SLC33A2: variants seen among roughly 807,000 people sequenced by gnomAD.
SLC33A2 encodes solute carrier family 33 member 2, also known as major facilitator superfamily domain containing 3.
chr8:144,509,570 GGT>G, the SLC33A2 span: 1 of 1,525,988 alleles, frequency 6.6e-7, no homozygotes, highest in Non-Finnish European at 8.7e-7. Context: ...GCCTGGGCCT[GGT>G]GTGTGGGCTG....
chr8:144,509,954 G>T, the SLC33A2 span: 1 of 1,594,994 alleles, frequency 6.3e-7, no homozygotes, highest in Non-Finnish European at 8.5e-7. Context: ...ACCTTCTGCG[G>T]GACGTGCTAG....
the SLC33A2 span, chr8:144,510,000 C>T: frequency 3.1e-6 from 5 of 1,595,608 alleles, no homozygotes; most frequent in Non-Finnish European, 4.2e-6. Flanking sequence ...AGGCTTTGTG[C>T]TCACCTACAA....
the SLC33A2 span, chr8:144,509,810 C>G: frequency 3.2e-6 from 5 of 1,541,924 alleles, no homozygotes; most frequent in Non-Finnish European, 4.4e-6. Flanking sequence ...CGCTGCTGCC[C>G]ACCTTCTCGT....
the SLC33A2 span, chr8:144,509,848 C>T: frequency 6.5e-7 from 1 of 1,538,144 alleles, no homozygotes; most frequent in South Asian, 1.2e-5. Context: ...CTCCTGGCTG[C>T]CACCTACTGG....
the SLC33A2 span, chr8:144,510,421 C>T: frequency 2.7e-5 from 43 of 1,612,768 alleles, no homozygotes; most frequent in South Asian, 1.4e-4. Flanking sequence ...TTTCTGCTCC[C>T]GAGTTGGGAC....
chr8:144,510,340 T>C, the SLC33A2 span: 3 of 1,610,436 alleles, frequency 1.9e-6, no homozygotes, highest in South Asian at 1.1e-5. Flanking sequence ...CCCGTGCTCA[T>C]GCCCCCCCCA....
chr8:144,509,116 C>T, the SLC33A2 span: 13 of 473,364 alleles, frequency 2.7e-5, no homozygotes, highest in Admixed American at 4.3e-4. Context: ...GGACCGCTCG[C>T]CCCCGTTTGG....
At chr8:144,509,895 C>T in the SLC33A2 span, 2,156 of 1,549,406 alleles carry the variant, frequency 1.4e-3, 25 homozygotes, top group African/African-American at 0.025. Flanking sequence ...ACCAGCCCTG[C>T]GGCGGCTCCC....
the SLC33A2 span, chr8:144,510,071 G>A: frequency 7.1e-6 from 11 of 1,544,716 alleles, no homozygotes; most frequent in Non-Finnish European, 8.7e-6. Flanking sequence ...ACAGCTCCAG[G>A]TGTGTCCCCA....
the SLC33A2 span, chr8:144,511,204 G>A: frequency 2.5e-6 from 4 of 1,592,442 alleles, no homozygotes; most frequent in Non-Finnish European, 2.6e-6. Flanking sequence ...ACATGTGCCT[G>A]TGGCCCAGAT....
chr8:144,509,299 C>G, the SLC33A2 span: 1 of 1,427,358 alleles, frequency 7.0e-7, no homozygotes, highest in East Asian at 2.7e-5. Flanking sequence ...CACCTGGAAC[C>G]CGACCTCCCA....
chr8:144,510,360 G>A, the SLC33A2 span: 5 of 1,612,018 alleles, frequency 3.1e-6, no homozygotes, highest in South Asian at 1.1e-5. Context: ...ACCACCCAAG[G>A]TGAGCAGGGT....
the SLC33A2 span, chr8:144,510,978 C>T: frequency 1.3e-6 from 2 of 1,599,686 alleles, no homozygotes; most frequent in Non-Finnish European, 1.7e-6. Context: ...ACCGTGACCC[C>T]CACCCCCCTC....
chr8:144,510,477 C>T, the SLC33A2 span: 1 of 1,612,796 alleles, frequency 6.2e-7, no homozygotes. Flanking sequence ...GCTGGCTCCT[C>T]CCTGGGTGGG....
chr8:144,509,273 T>C, the SLC33A2 span: 1 of 1,410,440 alleles, frequency 7.1e-7, no homozygotes, highest in Non-Finnish European at 9.2e-7. Context: ...GGAGGGGACC[T>C]CGCCTTGCGG....
the SLC33A2 span, chr8:144,509,489 C>T: frequency 1.6e-5 from 24 of 1,535,756 alleles, no homozygotes; most frequent in Non-Finnish European, 2.0e-5. Flanking sequence ...CGTGGCTGCT[C>T]AAGCTGGCTT....
At chr8:144,509,670 G>A in the SLC33A2 span, 10 of 1,554,874 alleles carry the variant, frequency 6.4e-6, no homozygotes, top group South Asian at 2.3e-5. Context: ...CCTGGGTGCC[G>A]CCATGCAGGA....
chr8:144,509,582 G>C, the SLC33A2 span: 1 of 1,530,430 alleles, frequency 6.5e-7, no homozygotes, highest in Non-Finnish European at 8.7e-7. Context: ...TGTGTGGGCT[G>C]CTTGCCGGGC....
chr8:144,509,368 A>G, the SLC33A2 span: 2 of 1,499,888 alleles, frequency 1.3e-6, no homozygotes, highest in Non-Finnish European at 1.8e-6. Context: ...GCCGGCCTCT[A>G]CCTGGTGCAG....
Sources: allele counts gnomAD v4.1 joint callset, GRCh38; gene constraint gnomAD v4.1.1; transcripts MANE v1.5; gene names NCBI Gene and HGNC (gene_info 2026-07-23, HGNC 2026-07-21).